SLC12A4: variants seen among roughly 807,000 people sequenced by gnomAD.
SLC12A4 encodes solute carrier family 12 member 4, also known as electroneutral potassium-chloride cotransporter 1.
Under a neutral mutation model 119.2 loss-of-function variants are expected in SLC12A4, and 84 were observed. The ratio of observed to expected loss-of-function variants is 0.70; its 90% CI spans 0.59 to 0.85. SLC12A4 has a LOEUF of 0.85. SLC12A4 is among the 40% of genes least tolerant of loss of function. The pLI, the probability that SLC12A4 is intolerant of heterozygous loss-of-function variation, is 0.00. For missense variants in SLC12A4, 1,298 were observed against 1,476.3 expected (o/e 0.88, Z 1.98); for synonymous variants, 599 against 604.6 (o/e 0.99, Z 0.14).
intron 3 of SLC12A4, 58 bp from the exon 4 acceptor site, chr16:67,958,102 G>C: frequency 6.4e-7 from 1 of 1,561,172 alleles, no homozygotes; most frequent in Admixed American, 1.8e-5. Context: ...ACCATGGAGA[G>C]TCAGCCCTAG....
At position 67,950,821 on chromosome 16, in the gene SLC12A4, G is replaced by C; in HGVS notation, c.1397-110C>G. The C allele has an allele frequency of 6.8e-7, 1 of 1,467,098 alleles. No homozygotes were observed. Among genetic ancestry groups the C allele is most frequent in the Admixed American group, 1.9e-5 (1 of 51,828 alleles). 90.9% of individuals were successfully genotyped at this position (1,467,098 alleles called of 1,614,324 possible). On this transcript the variant is annotated intron_variant, in intron 10 of 23. Coordinates refer to ENST00000316341, the MANE Select transcript of SLC12A4 (RefSeq NM_005072.5). This position sits in a 1 kb window ranked among gnomAD's most constrained non-coding sequence, Gnocchi z 4.3. ...CAGGACACCTACAGCTGGGAGTCTCGTGGTGTGTATGTGCATGTGTGCATG... is the reference window on the plus strand; with the variant it reads ...CAGGACACCTACAGCTGGGAGTCTCCTGGTGTGTATGTGCATGTGTGCATG...
At chr16:67,967,881 A>C (rs2030931099) in intron 1 of SLC12A4, among the ~76,000 whole-genome samples, 1 of 127,208 alleles carries the variant, frequency 7.9e-6, no homozygotes, top group African/African-American at 3.0e-5. Flanking sequence ...TGCTTCACTG[A>C]GGCCCACTGT....
At position 67,951,019 on chromosome 16, in the gene SLC12A4, C is replaced by A. The variant is rs764665506; in HGVS notation, c.1339G>T (p.Ala447Ser). Reference protein sequence around the residue: ...GSNRSGDLRDAQKSIPVGTIL... With the variant: ...GSNRSGDLRDSQKSIPVGTIL... ...GTCCCCACAGGGATAGACTTCTGGGCGTCACGAAGGTCCCCAGAGCGGTTT... is the reference window on the plus strand; with the variant it reads ...GTCCCCACAGGGATAGACTTCTGGGAGTCACGAAGGTCCCCAGAGCGGTTT... The change falls in exon 10 of 24, where the codon GCC (alanine) becomes TCC (serine). Residue 447 changes from alanine to serine, a missense_variant. By Grantham distance (99) the Ala-to-Ser change is moderately conservative. Transcript: ENST00000316341. This position sits in a 1 kb window ranked among gnomAD's most constrained non-coding sequence, Gnocchi z 5.2. 1 of 1,613,884 alleles carries A rather than the reference C, an allele frequency of 6.2e-7. No individual in the cohort carries two copies. The highest frequency in any genetic ancestry group is 8.5e-7 in the Non-Finnish European group (1 of 1,180,004).
chr16:67,951,794 A>G lies in SLC12A4; in HGVS notation c.1132+29T>C, dbSNP rs1321897624. On this transcript the variant is annotated intron_variant, in intron 8 of 23. Coordinates refer to ENST00000316341, the MANE Select transcript of SLC12A4 (RefSeq NM_005072.5). The surrounding 1 kb of genome is among the most constrained non-coding windows in gnomAD (Gnocchi z 5.2). Reference sequence around the variant, plus strand: ...TGCCCCTGCTCAGCCTGTGGGCTCAAGAGCAAGACGACGGGAGGGAGGACC... The same window carrying G: ...TGCCCCTGCTCAGCCTGTGGGCTCAGGAGCAAGACGACGGGAGGGAGGACC... 1 of 1,579,204 alleles carries G rather than the reference A, an allele frequency of 6.3e-7. No individual in the cohort carries two copies. The highest frequency in any genetic ancestry group is 8.6e-7 in the Non-Finnish European group (1 of 1,159,024).
chr16:67,950,748 C>T lies in SLC12A4; in HGVS notation c.1397-37G>A. ...TCAAGGAAAACTCGGCCTCTGCCAC[C>T]CCACTGTCCCTGAATAGTACCACGT... is the stretch of plus-strand genomic sequence containing the variant. On this transcript the variant is annotated intron_variant, in intron 10 of 23. Coordinates refer to ENST00000316341, the MANE Select transcript of SLC12A4 (RefSeq NM_005072.5). This position sits in a 1 kb window ranked among gnomAD's most constrained non-coding sequence, Gnocchi z 4.3. 6 of 1,583,490 alleles carry T rather than the reference C, an allele frequency of 3.8e-6. No individual in the cohort carries two copies. Among genetic ancestry groups the T allele is most frequent in the Non-Finnish European group, 5.1e-6 (6 of 1,165,538 alleles).
intron 5 of SLC12A4, 21 bp from the exon 6 acceptor site, chr16:67,954,794 T>C: frequency 5.6e-6 from 9 of 1,614,050 alleles, no homozygotes; most frequent in Non-Finnish European, 7.6e-6. Flanking sequence ...GAAATGAAAG[T>C]GTGCACAGGT....
rs2058307011 is a variant in SLC12A4, at chr16:67,943,586, G to A, written c.*1254C>T. ...CATGGATGGGCCTCTCCTGCTCACCGATCCTGGGCTGGGCATCTTGTCCTT... is the reference window on the plus strand; with the variant it reads ...CATGGATGGGCCTCTCCTGCTCACCAATCCTGGGCTGGGCATCTTGTCCTT... On this transcript the variant is annotated 3_prime_UTR_variant, in exon 24 of 24. Transcript: ENST00000316341. This position sits in a 1 kb window ranked among gnomAD's most constrained non-coding sequence, Gnocchi z 4.6. 7 of 504,172 alleles carry A rather than the reference G, an allele frequency of 1.4e-5. No homozygotes were observed. The highest frequency in any genetic ancestry group is 3.8e-5 in the African/African-American group (2 of 52,054). 31.2% of individuals were successfully genotyped at this position (504,172 alleles called of 1,614,324 possible). A position where few individuals can be genotyped will look rare whatever the true frequency, so the allele number is the denominator to read the frequency against.
In SLC12A4 at chr16:67,949,819, C is replaced by A; in HGVS notation, c.1729G>T (p.Val577Leu). Residue 577 changes from valine (V) to leucine (L), a missense_variant, in exon 13 of 24, where the codon GTG becomes TTG. Coordinates refer to ENST00000316341, the MANE Select transcript of SLC12A4 (RefSeq NM_005072.5). The surrounding 1 kb of genome is among the most constrained non-coding windows in gnomAD (Gnocchi z 4.6). ...LGILIASLDM[V>L]APILSMFFLM... The stretch of plus-strand genomic sequence containing the variant: ...GCTCACATGGATAAGATGGGGGCCA[C>A]CATGTCGAGGGAGGCGATGAGGATG... The A allele has an allele frequency of 6.2e-7, 1 of 1,610,388 alleles. No homozygotes were observed. The highest frequency in any genetic ancestry group is 1.1e-5 in the South Asian group (1 of 90,878).
chr16:67,963,755 C>G lies in SLC12A4; in HGVS notation c.116-196G>C, dbSNP rs571203035. On this transcript the variant is annotated intron_variant, in intron 1 of 23. Coordinates refer to ENST00000316341, the MANE Select transcript of SLC12A4 (RefSeq NM_005072.5). ...GGATAGCCAGAGAGAGGCCAGTGAC[C>G]AAAACCTGGGACATCATTCCCTCCA... Among the ~76,000 whole-genome samples, 9 of 152,360 alleles carry G rather than the reference C, an allele frequency of 5.9e-5. No homozygotes were observed. The East Asian group carries it at 1.7e-3, about 29-fold the overall frequency.
Position 67,943,509 on chromosome 16 carries a change from G to C in SLC12A4, c.*1331C>G. On this transcript the variant is annotated 3_prime_UTR_variant, in exon 24 of 24. Transcript: ENST00000316341. This position sits in a 1 kb window ranked among gnomAD's most constrained non-coding sequence, Gnocchi z 4.6. ...CGCTCCTTTATTGCCAAAGTCCAAG[G>C]TGGGAACAGATAGGTCTGGGGGCAT... 1.9e-6 allele frequency: 1 copy of C among 524,938 alleles called. No individual in the cohort carries two copies. The highest frequency in any genetic ancestry group is 1.9e-5 in the African/African-American group (1 of 52,458). 32.5% of individuals were successfully genotyped at this position (524,938 alleles called of 1,614,324 possible).
intron 2 of SLC12A4, 101 bp from the exon 3 acceptor site, chr16:67,961,807 A>C: frequency 1.3e-6 from 2 of 1,494,520 alleles, no homozygotes; most frequent in South Asian, 2.4e-5. Flanking sequence ...GCCCTGAGAC[A>C]GGCCTGGGCC....
Position 67,946,034 on chromosome 16 carries a change from C to T in SLC12A4, c.2656G>A (p.Asp886Asn), listed in dbSNP as rs1235477980. 2 of 1,614,074 alleles carry T rather than the reference C, an allele frequency of 1.2e-6. No homozygotes were observed. Among genetic ancestry groups the T allele is most frequent in the Non-Finnish European group, 8.5e-7 (1 of 1,180,022 alleles). ...MRIFTVAQMD[D>N]NSIQMKKDLA... ...TCCTTCTTCATCTGGATGCTGTTGT[C>T]ATCCATCTGGGCCACTGTGAAGATG... Residue 886 changes from aspartate (D) to asparagine (N), a missense_variant, in exon 20 of 24, where the codon GAC becomes AAC. Transcript: ENST00000316341.
chr16:67,967,849 G>T (rs1197591698), intron 1 of SLC12A4, among the ~76,000 whole-genome samples: 3 of 152,128 alleles, frequency 2.0e-5, no homozygotes, highest in African/African-American at 7.2e-5. Context: ...CAAGTGCCTA[G>T]ACACGTCCGG....
intron 2 of SLC12A4, among the ~76,000 whole-genome samples, 168 bp from the exon 3 acceptor site, chr16:67,961,874 C>T (rs2030594997): frequency 6.6e-6 from 1 of 152,226 alleles, no homozygotes; most frequent in Non-Finnish European, 1.5e-5. Flanking sequence ...GGTGTGCACA[C>T]CACACCCCAG....
intron 3 of SLC12A4, among the ~76,000 whole-genome samples, chr16:67,960,169 G>A (rs1212819897): frequency 2.6e-5 from 4 of 152,224 alleles, no homozygotes; most frequent in Admixed American, 2.0e-4. Flanking sequence ...CATTCCTGCT[G>A]AGATGTGCAC....
Position 67,947,608 on chromosome 16 carries a change from AC to A in SLC12A4, c.1967+60del, listed in dbSNP as rs989869579. On this transcript the variant is annotated intron_variant, in intron 15 of 23. Coordinates refer to ENST00000316341, the MANE Select transcript of SLC12A4 (RefSeq NM_005072.5). Reference sequence around the variant, plus strand: ...TCCCTGCCCACCCCAATGCCAGACCACCCTGCCTGCTCGGCCGGGCCCCCTC... The same window carrying A: ...TCCCTGCCCACCCCAATGCCAGACCACCTGCCTGCTCGGCCGGGCCCCCTC... 1.7e-5 allele frequency: 26 copies of A among 1,554,988 alleles called. No individual in the cohort carries two copies. In the African/African-American group the frequency reaches 3.1e-4, roughly 19 times the overall value.
chr16:67,952,509 C>A, intron 6 of SLC12A4, 84 bp from the exon 7 acceptor site: 1 of 1,507,148 alleles, frequency 6.6e-7, no homozygotes, highest in Non-Finnish European at 9.2e-7. Flanking sequence ...TTTACGAGTA[C>A]CTAAAAGAGG....
At chr16:67,953,101 AAAAT>A (rs2030033214) in intron 6 of SLC12A4, among the ~76,000 whole-genome samples, 1 of 151,732 alleles carries the variant, frequency 6.6e-6, no homozygotes, top group Non-Finnish European at 1.5e-5. Flanking sequence ...TTGTCTCAAA[AAAAT>A]AAATGAATAG....
chr16:67,954,019 G>C (rs1213365502), intron 6 of SLC12A4: 1 of 205,176 alleles, frequency 4.9e-6, no homozygotes, highest in Non-Finnish European at 1.1e-5. Flanking sequence ...GACAAGAACA[G>C]CCAGGCAGTC....
Sources: gnomAD v4.1 joint callset for allele counts (sites outside exome capture counted in the v4.1 genomes callset) on GRCh38, gnomAD v4.1.1 for gene constraint, Gnocchi (gnomAD v3.1) non-coding constraint, MANE v1.5 for transcripts, NCBI Gene and HGNC (gene_info 2026-07-23, HGNC 2026-07-21) for gene names.